The following SYT7 variants were observed in gnomAD, a reference collection of about 807,000 sequenced individuals.
The protein encoded by SYT7 is synaptotagmin-7.
Under a neutral mutation model 75.1 loss-of-function variants are expected in SYT7, and 29 were observed. The observed-to-expected ratio is 0.39, with a 90% CI of 0.29 to 0.53. SYT7 has a LOEUF of 0.53. Ranked by LOEUF, SYT7 falls within the 20% of genes least tolerant of loss-of-function variation. SYT7 has a pLI of 0.77. For synonymous variants in SYT7, 376 were observed against 401.7 expected (o/e 0.94, Z 0.76); for missense variants, 693 against 953.2 (o/e 0.73, Z 3.59).
intron 1 of SYT7, among the ~76,000 whole-genome samples, chr11:61,566,126 C>G (rs1442218641): frequency 6.6e-6 from 1 of 152,270 alleles, no homozygotes; most frequent in East Asian, 1.9e-4. Context: ...CCTCTGCTGT[C>G]TCTTCCAGTC....
At chr11:61,533,233 C>T in intron 7 of SYT7, 109 bp from the exon 8 acceptor site, 1 of 1,465,130 alleles carries the variant, frequency 6.8e-7, no homozygotes, top group Admixed American at 2.5e-5. Flanking sequence ...AGCTGCCATG[C>T]CCGGCGGGCC....
intron 1 of SYT7, among the ~76,000 whole-genome samples, chr11:61,571,019 T>C (rs1012521673): frequency 6.6e-6 from 1 of 152,128 alleles, no homozygotes; most frequent in Non-Finnish European, 1.5e-5. Context: ...ATTTTACAGG[T>C]GGGAAATGAA....
chr11:61,574,325 T>C (rs1412352522), intron 1 of SYT7, among the ~76,000 whole-genome samples: 1 of 152,146 alleles, frequency 6.6e-6, no homozygotes, highest in Non-Finnish European at 1.5e-5. Flanking sequence ...GCTGACCTGC[T>C]CCAGAGACAG....
chr11:61,539,998 T>C (rs893726484), intron 6 of SYT7: 2 of 152,212 alleles, frequency 1.3e-5, no homozygotes, highest in African/African-American at 4.8e-5. Flanking sequence ...CGGGAGCTAG[T>C]TGTGCTGGGG....
At chr11:61,570,541 G>C (rs1036040680) in intron 1 of SYT7, among the ~76,000 whole-genome samples, 3 of 152,194 alleles carry the variant, frequency 2.0e-5, no homozygotes, top group Non-Finnish European at 4.4e-5. Flanking sequence ...CTGAGACTCA[G>C]GAGGGTTGGG....
At chr11:61,558,505 T>TACACACACACAC (rs34301756) in intron 1 of SYT7, among the ~76,000 whole-genome samples, 1,379 of 134,546 alleles carry the variant, frequency 0.01, 20 homozygotes, top group African/African-American at 0.036. Context: ...CACACACACA[T>TACACACACACAC]ACACACACAC....
Position 61,546,132 on chromosome 11 carries a change from G to A in SYT7, c.471C>T (p.Gly157=), listed in dbSNP as rs1028173535. 17 of 1,529,604 alleles carry A rather than the reference G, an allele frequency of 1.1e-5. No homozygotes were observed. The African/African-American group carries it at 1.5e-4, about 14-fold the overall frequency. 94.8% of individuals were successfully genotyped at this position (1,529,604 alleles called of 1,614,324 possible). Residue 157 remains glycine (G), a synonymous_variant, in exon 5 of 13, where the codon GGC becomes GGT. Transcript: ENST00000539008. The surrounding 1 kb of genome is among the most constrained non-coding windows in gnomAD (Gnocchi z 7.6). ...TGCCCGGCTCGCTGGGGGCAGCCCC[G>A]CCGCTTCTCAAGGCGTCCTCTCCGG... ...PPPGEDALRS[G]GAAPSEPGSG... is the part of the protein sequence containing the mutation.
chr11:61,532,345 G>A (rs960127048), intron 8 of SYT7, among the ~76,000 whole-genome samples: 2 of 152,128 alleles, frequency 1.3e-5, no homozygotes, highest in African/African-American at 4.8e-5. Context: ...GCCCCCCTGG[G>A]GGCACCATGG....
rs1316847454 is a variant in SYT7, at chr11:61,580,439, G to A, written c.31+351C>T. Among the ~76,000 whole-genome samples, 1 of 152,092 alleles carries A rather than the reference G, an allele frequency of 6.6e-6. No individual in the cohort carries two copies. The highest frequency in any genetic ancestry group is 1.5e-5 in the Non-Finnish European group (1 of 67,980). On this transcript the variant is annotated intron_variant, in intron 1 of 12. Transcript: ENST00000539008. This position sits in a 1 kb window ranked among gnomAD's most constrained non-coding sequence, Gnocchi z 6.1. ...TGGCACCCCCGGGGCACCGGTGCTG[G>A]GGAGCCTCGGGTGCCTCTGAGGGCA...
chr11:61,529,399 A>T (rs2062631988), intron 8 of SYT7, among the ~76,000 whole-genome samples: 1 of 152,214 alleles, frequency 6.6e-6, no homozygotes, highest in South Asian at 2.1e-4. Context: ...CTCCTTACTG[A>T]ATCCTGACAA....
chr11:61,526,322 A>C (rs2062515939), intron 9 of SYT7: 1 of 152,172 alleles, frequency 6.6e-6, no homozygotes, highest in Non-Finnish European at 1.5e-5. Context: ...GTGTTCTGGG[A>C]ATATTGGAAG....
chr11:61,567,337 C>A (rs1309098866), intron 1 of SYT7, among the ~76,000 whole-genome samples: 1 of 142,268 alleles, frequency 7.0e-6, no homozygotes, highest in Non-Finnish European at 1.5e-5. Flanking sequence ...AGCCATTGAG[C>A]GCCCCGCCCC....
intron 3 of SYT7, among the ~76,000 whole-genome samples, chr11:61,549,560 T>C (rs1002407607): frequency 6.6e-6 from 1 of 152,204 alleles, no homozygotes; most frequent in Non-Finnish European, 1.5e-5. Context: ...CCTAAGCCCA[T>C]GAAGGGCTGT....
Position 61,516,949 on chromosome 11 carries a change from C to A in SYT7, c.*1678G>T, listed in dbSNP as rs11230730. 1 of 275,766 alleles carries A rather than the reference C, an allele frequency of 3.6e-6. No homozygotes were observed. Among genetic ancestry groups the A allele is most frequent in the Non-Finnish European group, 6.7e-6 (1 of 148,514 alleles). 17.1% of individuals were successfully genotyped at this position (275,766 alleles called of 1,614,324 possible). A position where few individuals can be genotyped will look rare whatever the true frequency, so the allele number is the denominator to read the frequency against. The stretch of plus-strand genomic sequence containing the variant: ...ATGCTCAGCTCAAGGGGAAGCCGTT[C>A]GAAGGAAAATGGTTCCCAAATGCCA... On this transcript the variant is annotated 3_prime_UTR_variant, in exon 13 of 13. Transcript: ENST00000539008. This position sits in a 1 kb window ranked among gnomAD's most constrained non-coding sequence, Gnocchi z 4.6.
rs535521568 is a variant in SYT7, at chr11:61,550,044, C to T, written c.215+1340G>A. On this transcript the variant is annotated intron_variant, in intron 3 of 12. Transcript: ENST00000539008. ...GGCCACGCTCCCCCACGTGCTCCCT[C>T]GCCTTCAGAAAGCCCGGGCCTGCAC... Among the ~76,000 whole-genome samples, 71 of 152,318 alleles carry T rather than the reference C, an allele frequency of 4.7e-4. No individual in the cohort carries two copies. In the South Asian group the frequency reaches 0.013, roughly 28 times the overall value.
In SYT7 at chr11:61,553,326, G is replaced by A. The variant is rs1255699569; in HGVS notation, c.136-1863C>T. On this transcript the variant is annotated intron_variant, in intron 2 of 12. Coordinates refer to ENST00000539008, the MANE Select transcript of SYT7 (RefSeq NM_001365809.2). The surrounding 1 kb of genome is among the most constrained non-coding windows in gnomAD (Gnocchi z 5.2). Reference sequence around the variant, plus strand: ...ATTCTCCAGCACACAGGCAGTGTGGGTCAAGAGTGGGGCTGCTGAGGGCAT... The same window carrying A: ...ATTCTCCAGCACACAGGCAGTGTGGATCAAGAGTGGGGCTGCTGAGGGCAT... Among the ~76,000 whole-genome samples the A allele has an allele frequency of 2.0e-5, 3 of 152,190 alleles. No individual in the cohort carries two copies. Among genetic ancestry groups the A allele is most frequent in the East Asian group, 1.9e-4 (1 of 5,178 alleles).
intron 1 of SYT7, among the ~76,000 whole-genome samples, chr11:61,560,080 A>G (rs1039605869): frequency 6.6e-6 from 1 of 152,306 alleles, no homozygotes; most frequent in African/African-American, 2.4e-5. Flanking sequence ...CAACAGAGAT[A>G]AGCATTATGA....
intron 8 of SYT7, among the ~76,000 whole-genome samples, chr11:61,528,523 G>A (rs144714434): frequency 0.012 from 1,760 of 152,222 alleles, 16 homozygotes; most frequent in Middle Eastern, 0.041. Context: ...TCCCTGGCGC[G>A]TGCTGGGGTT....
the SYT7 span, among the ~76,000 whole-genome samples, chr11:61,586,845 T>C: frequency 6.6e-6 from 1 of 152,174 alleles, no homozygotes; most frequent in Non-Finnish European, 1.5e-5. Flanking sequence ...CCCTCCTGCC[T>C]CAGTGGGCCC....
Sources: allele counts gnomAD v4.1 joint callset (sites outside exome capture counted in the v4.1 genomes callset), GRCh38; gene constraint gnomAD v4.1.1; non-coding constraint Gnocchi (gnomAD v3.1); transcripts MANE v1.5; gene names NCBI Gene and HGNC (gene_info 2026-07-23, HGNC 2026-07-21).